Variants in DLC1 observed in about 807,000 individuals in gnomAD.
The protein encoded by DLC1 is rho GTPase-activating protein 7.
DLC1 carries 54 observed loss-of-function variants against 140.3 expected under a neutral mutation model. That is an observed-to-expected ratio of 0.38 (90% CI 0.31 to 0.48). DLC1 has a LOEUF of 0.48. Among genes scored for constraint, DLC1 ranks in the 20% least tolerant of loss-of-function variants. The pLI, the probability that DLC1 is intolerant of heterozygous loss-of-function variation, is 0.96. For missense variants in DLC1, 2,536 were observed against 1,907.0 expected (o/e 1.33, Z -6.14); for synonymous variants, 986 against 728.1 (o/e 1.35, Z -5.70).
intron 5 of DLC1, among the ~76,000 whole-genome samples, chr8:13,259,139 G>GAAAA (rs776038964): frequency 9.0e-5 from 6 of 66,598 alleles, no homozygotes; most frequent in Admixed American, 1.5e-4. Context: ...TCCGTCTCAA[G>GAAAA]AAAAAAAAAA....
intron 12 of DLC1, among the ~76,000 whole-genome samples, chr8:13,093,775 TC>T (rs1450471345): frequency 2.0e-5 from 3 of 152,140 alleles, no homozygotes; most frequent in African/African-American, 7.2e-5. Context: ...TAAAATAAAG[TC>T]CACTGTGCCA....
intron 5 of DLC1, among the ~76,000 whole-genome samples, chr8:13,292,455 A>T (rs1248219613): frequency 6.6e-6 from 1 of 152,154 alleles, no homozygotes; most frequent in East Asian, 1.9e-4. Context: ...AAATATTACA[A>T]AATAATGTTT....
intron 4 of DLC1, among the ~76,000 whole-genome samples, chr8:13,346,854 C>T (rs1043059564): frequency 1.3e-5 from 2 of 152,200 alleles, no homozygotes; most frequent in African/African-American, 4.8e-5. Flanking sequence ...TATGAAAACC[C>T]AGACAACAGC....
intron 2 of DLC1, among the ~76,000 whole-genome samples, chr8:13,411,146 C>T (rs1391873448): frequency 1.3e-5 from 2 of 152,108 alleles, no homozygotes; most frequent in Non-Finnish European, 2.9e-5. Flanking sequence ...TTCATACTTG[C>T]TGAAGGTTGA....
At chr8:13,136,868 G>A (rs559775569) in intron 5 of DLC1, among the ~76,000 whole-genome samples, 1 of 152,198 alleles carries the variant, frequency 6.6e-6, no homozygotes, top group African/African-American at 2.4e-5. Flanking sequence ...CTGTGTAGTT[G>A]AATATGTTAT....
At chr8:13,328,554 TAG>T (rs1449744753) in intron 4 of DLC1, among the ~76,000 whole-genome samples, 1 of 152,150 alleles carries the variant, frequency 6.6e-6, no homozygotes, top group Non-Finnish European at 1.5e-5. Flanking sequence ...GAAGCTCAAC[TAG>T]AGAGAGTTGT....
intron 14 of DLC1, 51 bp downstream of exon 14, chr8:13,091,267 T>C (rs1563569051): frequency 4.4e-6 from 7 of 1,578,592 alleles, no homozygotes; most frequent in South Asian, 1.1e-5. Flanking sequence ...TAAGATTTTG[T>C]ACCTATTCAC....
chr8:13,553,990 C>T (rs1044169941), intron 1 of DLC1, among the ~76,000 whole-genome samples: 2 of 152,020 alleles, frequency 1.3e-5, no homozygotes, highest in African/African-American at 4.8e-5. Flanking sequence ...GTATTCGGGA[C>T]TTCTTGTTTT....
At chr8:13,409,886 C>G (rs1481682) in intron 2 of DLC1, among the ~76,000 whole-genome samples, 1 of 151,770 alleles carries the variant, frequency 6.6e-6, no homozygotes, top group Admixed American at 6.6e-5. Context: ...TTTAGTAGGC[C>G]TACGGGGAGG....
rs146650078 is a variant in DLC1 at position 13,499,814 on chromosome 8, G to A, written c.258C>T (p.Asp86=). The A allele has an allele frequency of 1.2e-4, 188 of 1,613,768 alleles. 1 individual carries two copies. The highest frequency in any genetic ancestry group is 2.2e-4 in the Admixed American group (13 of 59,990). Residue 86 remains aspartate, a synonymous_variant, in exon 2 of 18, where the codon GAC becomes GAT. Coordinates refer to ENST00000276297, the MANE Select transcript of DLC1 (RefSeq NM_182643.3). ...RPMGHLSKDV[D]ENDSHEGEDQ... ...CTTCACCTTCATGGCTGTCATTTTCGTCCACATCCTTTGAAAGATGACCCA... is the reference window on the plus strand; with the variant it reads ...CTTCACCTTCATGGCTGTCATTTTCATCCACATCCTTTGAAAGATGACCCA...
intron 5 of DLC1, among the ~76,000 whole-genome samples, chr8:13,182,580 C>A (rs1826105080): frequency 6.6e-6 from 1 of 152,144 alleles, no homozygotes; most frequent in Non-Finnish European, 1.5e-5. Flanking sequence ...AATAGGGAAT[C>A]TTTTCCCCAT....
At chr8:13,221,760 T>C (rs916850195) in intron 5 of DLC1, among the ~76,000 whole-genome samples, 7 of 144,218 alleles carry the variant, frequency 4.9e-5, no homozygotes, top group African/African-American at 1.8e-4. Context: ...AACCATTATA[T>C]ATAATATTAA....
chr8:13,441,784 C>G lies in DLC1; in HGVS notation c.1024-40165G>C, dbSNP rs533411517. 5.9e-5 allele frequency among the ~76,000 whole-genome samples: 9 copies of G among 152,170 alleles called. No individual in the cohort carries two copies. In the East Asian group the frequency reaches 1.4e-3, roughly 23 times the overall value. ...AATATCGTGAACATGGCCATACTGC[C>G]CAAGGTAATTTATAGATTCAATGCC... On this transcript the variant is annotated intron_variant, in intron 2 of 17. Transcript: ENST00000276297.
chr8:13,089,766 A>T (rs1817888183), intron 15 of DLC1, among the ~76,000 whole-genome samples: 1 of 152,218 alleles, frequency 6.6e-6, no homozygotes, highest in Non-Finnish European at 1.5e-5. Flanking sequence ...CGATGGACCT[A>T]TCCTGCTGAG....
intron 1 of DLC1, among the ~76,000 whole-genome samples, chr8:13,581,050 C>T (rs1335272589): frequency 1.3e-5 from 2 of 152,142 alleles, no homozygotes; most frequent in African/African-American, 4.8e-5. Context: ...TTAAAGTTGT[C>T]AGTAGTCAAA....
chr8:13,583,450 A>G (rs1050376285), intron 1 of DLC1, among the ~76,000 whole-genome samples: 2 of 152,170 alleles, frequency 1.3e-5, no homozygotes, highest in Admixed American at 6.5e-5. Context: ...ACATCCTCAG[A>G]TTCCACTTAT....
At chr8:13,527,457 A>C (rs947180564) in intron 1 of DLC1, among the ~76,000 whole-genome samples, 1 of 152,130 alleles carries the variant, frequency 6.6e-6, no homozygotes, top group Non-Finnish European at 1.5e-5. Context: ...CCATTGTTAT[A>C]CTATCTTTTA....
intron 4 of DLC1, among the ~76,000 whole-genome samples, chr8:13,378,358 T>C (rs1836093860): frequency 6.6e-6 from 1 of 151,820 alleles, no homozygotes; most frequent in Admixed American, 6.6e-5. Context: ...GTTAGTGATG[T>C]ATTAATTCTC....
chr8:13,278,316 G>A (rs1044043819), intron 5 of DLC1, among the ~76,000 whole-genome samples: 4 of 152,186 alleles, frequency 2.6e-5, no homozygotes, highest in Admixed American at 1.3e-4. Context: ...GAGTTTGTGT[G>A]TGTTTCTCCT....
Sources: gnomAD v4.1 joint callset for allele counts (sites outside exome capture counted in the v4.1 genomes callset) on GRCh38, gnomAD v4.1.1 for gene constraint, MANE v1.5 for transcripts, NCBI Gene and HGNC (gene_info 2026-07-23, HGNC 2026-07-21) for gene names.